The following PCNT variants were observed in gnomAD, a reference collection of about 807,000 sequenced individuals.
PCNT encodes the protein pericentrin.
In PCNT, 319 loss-of-function variants were observed where a neutral mutation model predicts 380.4. The ratio of observed to expected loss-of-function variants is 0.84; its 90% CI spans 0.77 to 0.92. The LOEUF is 0.92. Among genes scored for constraint, PCNT ranks in the 40% least tolerant of loss-of-function variants. The probability of loss-of-function intolerance (pLI) is 0.00; values close to 1 mark genes in which losing one functional copy is unlikely to be tolerated. For missense variants in PCNT, 4,400 were observed against 4,255.3 expected (o/e 1.03, Z -0.95); for synonymous variants, 1,845 against 1,735.2 (o/e 1.06, Z -1.57).
chr21:46,442,496 G>A lies in PCNT; in HGVS notation c.9624-1G>A. 1 of 1,595,742 alleles carries A rather than the reference G, an allele frequency of 6.3e-7. No individual in the cohort carries two copies. The highest frequency in any genetic ancestry group is 8.6e-7 in the Non-Finnish European group (1 of 1,163,678). The stretch of plus-strand genomic sequence containing the variant: ...GTGTGTCTTGTCTCTTTTTTTTGTA[G>A]ATTACGTTTTTTGGTTAAGAAATGG... On this transcript the variant is annotated splice_acceptor_variant, in intron 43 of 46. Coordinates refer to ENST00000359568, the MANE Select transcript of PCNT (RefSeq NM_006031.6). LOFTEE classifies it high-confidence loss of function.
chr21:46,413,789 C>T (rs966829808), intron 29 of PCNT, among the ~76,000 whole-genome samples: 12 of 152,192 alleles, frequency 7.9e-5, no homozygotes, highest in African/African-American at 2.9e-4. Context: ...AAAGCTGGCA[C>T]TTCTTTTCCC....
rs775435840 is a variant in PCNT at position 46,334,397 on chromosome 21, C to T, written c.268C>T (p.Pro90Ser). 7 of 1,614,022 alleles carry T rather than the reference C, an allele frequency of 4.3e-6. No individual in the cohort carries two copies. The South Asian group carries it at 6.6e-5, about 15-fold the overall frequency. ...DGAGGAFAAQ[P>S]EDCDGEKRED... Reference sequence around the variant, plus strand: ...TTCTTTCTGGTCCTCCCCTTCTTAGCCGGAGGACTGTGATGGAGAGAAGAG... The same window carrying T: ...TTCTTTCTGGTCCTCCCCTTCTTAGTCGGAGGACTGTGATGGAGAGAAGAG... Residue 90 changes from proline (P) to serine (S), a missense_variant and splice_region_variant, in exon 3 of 47, where the codon CCG becomes TCG. Transcript: ENST00000359568.
At chr21:46,435,812 G>A in intron 38 of PCNT, 92 bp from the exon 39 acceptor site, 1 of 1,483,098 alleles carries the variant, frequency 6.7e-7, no homozygotes. Context: ...AAAGTGCTAG[G>A]ATTACAGGCA....
At chr21:46,346,537 G>A (rs1399968166) in intron 4 of PCNT, among the ~76,000 whole-genome samples, 1 of 152,230 alleles carries the variant, frequency 6.6e-6, no homozygotes, top group Non-Finnish European at 1.5e-5. Context: ...GCTCAGGGCA[G>A]TGATGCGCTG....
At chr21:46,339,429 G>A (rs77436553) in intron 3 of PCNT, among the ~76,000 whole-genome samples, 8,628 of 152,282 alleles carry the variant, frequency 0.057, 311 homozygotes, top group Non-Finnish European at 0.08. Context: ...ATAAAGGGGA[G>A]TTTATTAAGG....
chr21:46,324,906 T>A, intron 1 of PCNT: 1 of 985,388 alleles, frequency 1.0e-6, no homozygotes, highest in African/African-American at 1.7e-5. Context: ...GTCCTTACTG[T>A]GTGAAAGGCC....
At position 46,421,909 on chromosome 21, in the gene PCNT, C is replaced by T. The variant is rs549708035; in HGVS notation, c.7025-61C>T. The T allele has an allele frequency of 5.9e-5, 93 of 1,582,326 alleles. No homozygotes were observed. In the East Asian group the frequency reaches 1.5e-3, roughly 26 times the overall value. ...TCACCCCTGTCCTGCCTCTGCAGTG[C>T]GTCCCCTGGGGAACCCCCTGGAGAG... On this transcript the variant is annotated intron_variant, in intron 31 of 46. Coordinates refer to ENST00000359568, the MANE Select transcript of PCNT (RefSeq NM_006031.6).
At chr21:46,364,063 C>T in intron 14 of PCNT, 129 bp downstream of exon 14, 1 of 795,502 alleles carries the variant, frequency 1.3e-6, no homozygotes, top group Non-Finnish European at 2.0e-6. Context: ...GGAGCTGGAA[C>T]AAGGTGTGGC....
rs764529113 is a variant in PCNT at position 46,334,398 on chromosome 21, C to A, written c.269C>A (p.Pro90Gln). ...DGAGGAFAAQPEDCDGEKRED... is the reference protein window; with the variant it reads ...DGAGGAFAAQQEDCDGEKRED... Reference sequence around the variant, plus strand: ...TCTTTCTGGTCCTCCCCTTCTTAGCCGGAGGACTGTGATGGAGAGAAGAGA... The same window carrying A: ...TCTTTCTGGTCCTCCCCTTCTTAGCAGGAGGACTGTGATGGAGAGAAGAGA... Residue 90 changes from proline to glutamine, a missense_variant and splice_region_variant, in exon 3 of 47, where the codon CCG becomes CAG. Transcript: ENST00000359568. 1 of 1,614,146 alleles carries A rather than the reference C, an allele frequency of 6.2e-7. No homozygotes were observed. The highest frequency in any genetic ancestry group is 1.1e-5 in the South Asian group (1 of 91,082).
Position 46,430,216 on chromosome 21 carries a change from G to A in PCNT, c.7897G>A (p.Glu2633Lys). Reference sequence around the variant, plus strand: ...CCGGTCCCTCTGCGAGGTGCAGCAGGAGGTCCTCCAGCTGAGGTGCGCCTG... The same window carrying A: ...CCGGTCCCTCTGCGAGGTGCAGCAGAAGGTCCTCCAGCTGAGGTGCGCCTG... ...LSRSLCEVQQEVLQLRSMLSS... is the reference protein window; with the variant it reads ...LSRSLCEVQQKVLQLRSMLSS... Residue 2633 changes from glutamate (E) to lysine (K), a missense_variant, in exon 36 of 47, where the codon GAG (glutamate) becomes AAG (lysine). Coordinates refer to ENST00000359568, the MANE Select transcript of PCNT (RefSeq NM_006031.6). 6.2e-7 allele frequency: 1 copy of A among 1,613,510 alleles called. No homozygotes were observed. The highest frequency in any genetic ancestry group is 2.2e-5 in the East Asian group (1 of 44,872).
chr21:46,369,232 T>C (rs766707947), intron 15 of PCNT, among the ~76,000 whole-genome samples: 1 of 152,158 alleles, frequency 6.6e-6, no homozygotes, highest in African/African-American at 2.4e-5. Flanking sequence ...GGGATGTGTT[T>C]TGTTTGTTTC....
rs958648947 is a variant in PCNT at position 46,357,306 on chromosome 21, C to T, written c.2154+115C>T. 483 of 801,976 alleles carry T rather than the reference C, an allele frequency of 6.0e-4. 4 individuals are homozygous for T. Among genetic ancestry groups the T allele is most frequent in the Admixed American group, 5.7e-4 (33 of 57,604 alleles). 49.7% of individuals were successfully genotyped at this position (801,976 alleles called of 1,614,324 possible). On this transcript the variant is annotated intron_variant, in intron 13 of 46. Coordinates refer to ENST00000359568, the MANE Select transcript of PCNT (RefSeq NM_006031.6). The stretch of plus-strand genomic sequence containing the variant: ...ATCCTGGGGACAGCCCAGTGCTGTA[C>T]ATGGCACATTTGTAAGGGCGACAGT...
intron 3 of PCNT, among the ~76,000 whole-genome samples, chr21:46,339,984 A>G (rs1311179384): frequency 3.9e-5 from 6 of 152,060 alleles, no homozygotes; most frequent in Non-Finnish European, 2.9e-5. Flanking sequence ...TCTCTTGCAT[A>G]CCGTATTTGT....
intron 19 of PCNT, 27 bp from the exon 20 acceptor site, chr21:46,390,643 T>C: frequency 1.9e-6 from 3 of 1,612,802 alleles, no homozygotes; most frequent in Non-Finnish European, 2.5e-6. Context: ...TGATCTGGAG[T>C]TTTGATTTGC....
chr21:46,426,179 G>C (rs1246709238), intron 33 of PCNT, among the ~76,000 whole-genome samples: 3 of 147,174 alleles, frequency 2.0e-5, no homozygotes, highest in Admixed American at 1.4e-4. Context: ...GATTACAGGT[G>C]CATGCCACCA....
At position 46,411,504 on chromosome 21, in the gene PCNT, C is replaced by A. The variant is rs587784309; in HGVS notation, c.5431C>A (p.Arg1811Ser). 1 of 1,609,432 alleles carries A rather than the reference C, an allele frequency of 6.2e-7. No individual in the cohort carries two copies. Among genetic ancestry groups the A allele is most frequent in the African/African-American group, 1.3e-5 (1 of 74,954 alleles). Residue 1811 changes from arginine to serine, a missense_variant, in exon 28 of 47, where the codon CGC becomes AGC. Transcript: ENST00000359568. ...GAGCCGGCTGCTGGCTGACCAGGAG[C>A]GCAGGCACAGCCAGGCCCTGGAGGC... is the stretch of plus-strand genomic sequence containing the variant. The part of the protein sequence containing the change: ...ALSRLLADQE[R>S]RHSQALEALQ...
rs796843525 is a variant in PCNT, at chr21:46,427,485, CTCT to C, written c.7321-132_7321-130del. ...AGCGAGTGAGCTCTGGTGTCTCTTC[CTCT>C]TCTTAAGAGGCCTCATTTACCCTGA... is the stretch of plus-strand genomic sequence containing the variant. On this transcript the variant is annotated intron_variant, in intron 33 of 46. Coordinates refer to ENST00000359568, the MANE Select transcript of PCNT (RefSeq NM_006031.6). 55 of 908,510 alleles carry C rather than the reference CTCT, an allele frequency of 6.1e-5. No individual in the cohort carries two copies. The African/African-American group carries it at 7.8e-4, about 13-fold the overall frequency. 56.3% of individuals were successfully genotyped at this position (908,510 alleles called of 1,614,324 possible). A position where few individuals can be genotyped will look rare whatever the true frequency, so the allele number is the denominator to read the frequency against.
intron 27 of PCNT, among the ~76,000 whole-genome samples, chr21:46,409,530 AT>A (rs2086719029): frequency 1.3e-5 from 2 of 151,900 alleles, no homozygotes; most frequent in Admixed American, 1.3e-4. Flanking sequence ...CCCTAGCCCA[AT>A]TTTCCTGAGA....
chr21:46,422,396 C>T (rs1444829239), intron 32 of PCNT, among the ~76,000 whole-genome samples: 2 of 152,084 alleles, frequency 1.3e-5, no homozygotes, highest in African/African-American at 4.8e-5. Flanking sequence ...TGCCCCGAGT[C>T]GCAGAGCCGG....
Sources: allele counts gnomAD v4.1 joint callset (sites outside exome capture counted in the v4.1 genomes callset), GRCh38; gene constraint gnomAD v4.1.1; transcripts MANE v1.5; gene names NCBI Gene and HGNC (gene_info 2026-07-23, HGNC 2026-07-21).